Variants in DCAF1 observed in about 807,000 individuals in gnomAD.
The protein encoded by DCAF1 is DDB1 and CUL4 associated factor 1.
Under a neutral mutation model 128.0 loss-of-function variants are expected in DCAF1, and 15 were observed. The observed-to-expected ratio is 0.12, with a 90% CI of 0.08 to 0.18. The LOEUF (loss-of-function observed/expected upper bound fraction) is 0.18, where lower values mean the gene tolerates loss of function less well. Among genes scored for constraint, DCAF1 ranks in the 10% least tolerant of loss-of-function variants. The pLI is 1.00. For missense variants in DCAF1, 988 were observed against 1,649.5 expected, an observed-to-expected ratio of 0.60 and a Z score of 6.95; for synonymous variants, 610 against 603.0, an observed-to-expected ratio of 1.01 and a Z score of -0.17.
intron 2 of DCAF1, among the ~76,000 whole-genome samples, chr3:51,495,455 C>T (rs1386685512): frequency 6.6e-6 from 1 of 152,014 alleles, no homozygotes; most frequent in East Asian, 1.9e-4. Context: ...TGAGACCAGC[C>T]TGGGTAACAG....
intron 13 of DCAF1, 142 bp downstream of exon 13, chr3:51,427,230 C>A: frequency 1.8e-6 from 1 of 550,780 alleles, no homozygotes; most frequent in Non-Finnish European, 3.2e-6. Flanking sequence ...TATTTTCATG[C>A]CTAATCTAAT....
rs183495145 is a variant in DCAF1 at position 51,436,641 on chromosome 3, T to C, written c.1129-3377A>G. Among the ~76,000 whole-genome samples the C allele has an allele frequency of 1.2e-3, 188 of 152,334 alleles. 2 individuals are homozygous for C. The highest frequency in any genetic ancestry group is 2.2e-3 in the Non-Finnish European group (152 of 68,036). On this transcript the variant is annotated intron_variant, in intron 9 of 24. Transcript: ENST00000684031. Reference sequence around the variant, plus strand: ...TAATTTATAAAGGATCTGTGTAGTTTGAACGTATTTTAATAACTTCAGTAT... The same window carrying C: ...TAATTTATAAAGGATCTGTGTAGTTCGAACGTATTTTAATAACTTCAGTAT...
chr3:51,399,171 G>A (rs1553624184), intron 24 of DCAF1, among the ~76,000 whole-genome samples: 2 of 152,252 alleles, frequency 1.3e-5, no homozygotes. Context: ...CGGGAGCAGT[G>A]AGTAAGCCTC....
upstream of DCAF1, among the ~76,000 whole-genome samples, chr3:51,501,287 G>C (rs781886647): frequency 3.9e-5 from 6 of 152,180 alleles, no homozygotes; most frequent in Non-Finnish European, 8.8e-5. Context: ...ATGAGGCCCA[G>C]AGGGAGTGAG....
rs76857955 is a variant in DCAF1, at chr3:51,448,772, G to A, written c.376-4869C>T. Among the ~76,000 whole-genome samples the A allele has an allele frequency of 1.8e-3, 275 of 152,206 alleles. 7 individuals carry two copies. The East Asian group carries it at 0.043, about 24-fold the overall frequency. On this transcript the variant is annotated intron_variant, in intron 6 of 24. Transcript: ENST00000684031. Reference sequence around the variant, plus strand: ...CTTTCAATTACGATTAAGACAACCAGACAGAAGATCAATAAGGAAACAGAG... The same window carrying A: ...CTTTCAATTACGATTAAGACAACCAAACAGAAGATCAATAAGGAAACAGAG...
intron 23 of DCAF1, among the ~76,000 whole-genome samples, chr3:51,403,942 T>C (rs546187343): frequency 6.6e-6 from 1 of 152,292 alleles, no homozygotes; most frequent in Admixed American, 6.5e-5. Context: ...ACTTAAAATA[T>C]AGAACACTAA....
rs782650549 is a variant in DCAF1 at position 51,443,878 on chromosome 3, T to A, written c.401A>T (p.Lys134Ile). The A allele has an allele frequency of 6.2e-7, 1 of 1,606,238 alleles. No individual in the cohort carries two copies. Among genetic ancestry groups the A allele is most frequent in the Non-Finnish European group, 8.5e-7 (1 of 1,178,044 alleles). ...EKEGIVENLF[K>I]WAREADQPLR... ...TGGTTGATCGGCCTCTCGGGCCCAT[T>A]TGAAAAGATTCTCGACAATTCCCTC... Residue 134 changes from lysine to isoleucine, a missense_variant, in exon 7 of 25, where the codon AAA (lysine) becomes ATA (isoleucine). Coordinates refer to ENST00000684031, the MANE Select transcript of DCAF1 (RefSeq NM_001387579.1).
At chr3:51,423,145 A>C (rs1176684571) in intron 13 of DCAF1, among the ~76,000 whole-genome samples, 1 of 152,178 alleles carries the variant, frequency 6.6e-6, no homozygotes, top group Non-Finnish European at 1.5e-5. Flanking sequence ...GATTCTTAAA[A>C]TGTTCATAAA....
chr3:51,505,486 C>T, the DCAF1 span, among the ~76,000 whole-genome samples: 4 of 152,116 alleles, frequency 2.6e-5, no homozygotes, highest in Admixed American at 6.6e-5. Flanking sequence ...GTCATCAAGA[C>T]GGGAGTTTCT....
chr3:51,408,858 A>G (rs1698142923), intron 23 of DCAF1, among the ~76,000 whole-genome samples: 1 of 152,240 alleles, frequency 6.6e-6, no homozygotes, highest in Non-Finnish European at 1.5e-5. Context: ...AAAAGCTGTA[A>G]TATCAGTATG....
chr3:51,406,439 T>G (rs1488959199), intron 23 of DCAF1, among the ~76,000 whole-genome samples: 3 of 152,036 alleles, frequency 2.0e-5, no homozygotes, highest in African/African-American at 7.2e-5. Flanking sequence ...ATATTGTTTT[T>G]TTTTTTAATT....
chr3:51,474,418 C>T (rs1290025473), intron 3 of DCAF1, among the ~76,000 whole-genome samples: 2 of 152,054 alleles, frequency 1.3e-5, no homozygotes, highest in African/African-American at 2.4e-5. Flanking sequence ...AAAACTCTGT[C>T]CCAAAAATAT....
At chr3:51,442,152 C>G (rs1171948508) in intron 7 of DCAF1, among the ~76,000 whole-genome samples, 3 of 152,140 alleles carry the variant, frequency 2.0e-5, no homozygotes, top group Non-Finnish European at 2.9e-5. Context: ...TCATTGACAA[C>G]TGATCTGTTT....
intron 6 of DCAF1, among the ~76,000 whole-genome samples, chr3:51,461,385 T>C (rs142744163): frequency 0.046 from 7,061 of 152,216 alleles, 552 homozygotes; most frequent in African/African-American, 0.16. Context: ...CCAGTTAGAA[T>C]GGCAATCATT....
chr3:51,417,942 G>A lies in DCAF1; in HGVS notation c.3518+174C>T, dbSNP rs565451765. 5.3e-5 allele frequency among the ~76,000 whole-genome samples: 8 copies of A among 152,148 alleles called. No homozygotes were observed. The South Asian group carries it at 1.7e-3, about 32-fold the overall frequency. On this transcript the variant is annotated intron_variant, in intron 17 of 24. Transcript: ENST00000684031. Reference sequence around the variant, plus strand: ...GTATATACCTCATAAAAGTATCTAGGAATTAAGAAAGATAAAGTCTTATTA... The same window carrying A: ...GTATATACCTCATAAAAGTATCTAGAAATTAAGAAAGATAAAGTCTTATTA...
chr3:51,412,261 T>C (rs1158879636), intron 23 of DCAF1, 118 bp downstream of exon 23: 4 of 1,428,218 alleles, frequency 2.8e-6, no homozygotes, highest in South Asian at 2.6e-5. Flanking sequence ...ACAAGCCTTA[T>C]GAATGTGGCA....
chr3:51,413,408 A>C, intron 20 of DCAF1, 22 bp from the exon 21 acceptor site: 1 of 1,602,720 alleles, frequency 6.2e-7, no homozygotes, highest in Non-Finnish European at 8.5e-7. Context: ...GTGGGGGAGG[A>C]AACACTATTA....
At chr3:51,462,069 A>G (rs1175489254) in intron 6 of DCAF1, among the ~76,000 whole-genome samples, 2 of 151,828 alleles carry the variant, frequency 1.3e-5, no homozygotes, top group African/African-American at 4.8e-5. Flanking sequence ...TAATAATAAT[A>G]AAATTAAAAA....
intron 10 of DCAF1, among the ~76,000 whole-genome samples, chr3:51,431,464 G>A (rs1320991341): frequency 1.4e-5 from 2 of 148,080 alleles, no homozygotes; most frequent in Non-Finnish European, 3.0e-5. Flanking sequence ...AGGTTGCAGT[G>A]AGCTGAGATC....
Sources: allele counts gnomAD v4.1 joint callset (sites outside exome capture counted in the v4.1 genomes callset), GRCh38; gene constraint gnomAD v4.1.1; transcripts MANE v1.5; gene names NCBI Gene and HGNC (gene_info 2026-07-23, HGNC 2026-07-21).